AHNAK: variants seen among roughly 807,000 people sequenced by gnomAD.
AHNAK encodes the protein AHNAK nucleoprotein, also known as neuroblast differentiation-associated protein AHNAK.
Under a neutral mutation model 37.8 loss-of-function variants are expected in AHNAK, and 23 were observed. The observed-to-expected ratio is 0.61, with a 90% confidence interval of 0.44 to 0.86. The LOEUF is 0.86. AHNAK is among the 40% of genes least tolerant of loss of function. The pLI, the probability that AHNAK is intolerant of heterozygous loss-of-function variation, is 0.00. For synonymous variants in AHNAK, 2,481 were observed against 2,636.3 expected (o/e 0.94, Z 1.80); for missense variants, 7,411 against 7,319.4 (o/e 1.01, Z -0.46).
chr11:62,478,078 A>G (rs1939187269), intron 5 of AHNAK, among the ~76,000 whole-genome samples: 2 of 152,160 alleles, frequency 1.3e-5, no homozygotes, highest in African/African-American at 4.8e-5. Flanking sequence ...TCCTCTCCGC[A>G]GGACTCAGTG....
downstream of AHNAK, among the ~76,000 whole-genome samples, chr11:62,515,466 A>G (rs370862229): frequency 1.4e-3 from 214 of 152,296 alleles, no homozygotes; most frequent in African/African-American, 4.8e-3. Context: ...GCAGTGAGCC[A>G]AGATTGTGCC....
chr11:62,535,501 A>T (rs905697992), intron 3 of AHNAK, among the ~76,000 whole-genome samples: 2 of 152,020 alleles, frequency 1.3e-5, no homozygotes, highest in Non-Finnish European at 2.9e-5. Context: ...ATGCAAAATT[A>T]GTCTGGTGTG....
At chr11:62,507,060 G>T (rs1030313137) in intron 4 of AHNAK, among the ~76,000 whole-genome samples, 1 of 151,438 alleles carries the variant, frequency 6.6e-6, no homozygotes, top group Non-Finnish European at 1.5e-5. Context: ...TTTATTCCCC[G>T]GTCCTTCTGC....
chr11:62,492,248 G>C (rs190806647), intron 4 of AHNAK, among the ~76,000 whole-genome samples: 1 of 152,162 alleles, frequency 6.6e-6, no homozygotes, highest in Non-Finnish European at 1.5e-5. Context: ...AGCACTCATC[G>C]GTTACTGCCC....
chr11:62,523,653 G>A lies in AHNAK; in HGVS notation c.10764C>T (p.Ala3588=), dbSNP rs140469618. The A allele has an allele frequency of 1.6e-3, 2,577 of 1,611,128 alleles. 13 individuals are homozygous for A. The highest frequency in any genetic ancestry group is 9.6e-3 in the Middle Eastern group (58 of 6,034). The change falls in exon 5 of 5, where the codon GCC becomes GCT. Residue 3588 remains alanine (A), a synonymous_variant. Coordinates refer to ENST00000378024, the MANE Select transcript of AHNAK (RefSeq NM_001620.3). ...CTGGACCATGAACATCCACATCTGG[G>A]GCATTGATGTCCACTTTAGGGCCTT... ...DIKGPKVDIN[A]PDVDVHGPDW...
intron 4 of AHNAK, among the ~76,000 whole-genome samples, chr11:62,496,650 C>T (rs1487649681): frequency 1.3e-5 from 2 of 152,044 alleles, no homozygotes; most frequent in African/African-American, 4.8e-5. Flanking sequence ...CAAAAGTTAG[C>T]CGGGCGTGGT....
chr11:62,434,711 T>C (rs991573348), intron 5 of AHNAK, among the ~76,000 whole-genome samples: 3 of 152,102 alleles, frequency 2.0e-5, no homozygotes, highest in African/African-American at 7.2e-5. Context: ...GCGGACCTCC[T>C]AAGGTCAGGA....
intron 5 of AHNAK, among the ~76,000 whole-genome samples, chr11:62,474,239 C>T (rs1346473387): frequency 1.3e-5 from 2 of 149,884 alleles, no homozygotes; most frequent in East Asian, 3.9e-4. Context: ...GGCTGGAGTG[C>T]AGTGGCACGA....
chr11:62,463,621 C>A (rs576923254), intron 5 of AHNAK, among the ~76,000 whole-genome samples: 12 of 152,276 alleles, frequency 7.9e-5, no homozygotes, highest in African/African-American at 2.9e-4. Flanking sequence ...TGCTGTCAGG[C>A]CTGTTCTGCT....
chr11:62,516,996 A>G lies in AHNAK; in HGVS notation c.17421T>C (p.Ser5807=). The change falls in exon 5 of 5, where the codon TCT becomes TCC. Residue 5807 remains serine (S), a synonymous_variant. Coordinates refer to ENST00000378024, the MANE Select transcript of AHNAK (RefSeq NM_001620.3). The part of the protein sequence containing the change: ...GTLEFEGGEV[S]LEGGKVKGKH... ...TCCCTTTAACTTTCCCACCTTCCAG[A>G]GACACTTCCCCACCTTCAAACTCCA... is the stretch of plus-strand genomic sequence containing the variant. 1.2e-6 allele frequency: 2 copies of G among 1,614,128 alleles called. No homozygotes were observed. The highest frequency in any genetic ancestry group is 1.7e-6 in the Non-Finnish European group (2 of 1,180,026).
Position 62,517,453 on chromosome 11 carries a change from T to C in AHNAK, c.16964A>G (p.Lys5655Arg). Residue 5655 changes from lysine to arginine, a missense_variant, in exon 5 of 5, where the codon AAA (lysine) becomes AGA (arginine). By Grantham distance (26) the Lys-to-Arg change is conservative. Transcript: ENST00000378024. ...PQGHLESGSGKVTFPKMKIPK... is the reference protein window; with the variant it reads ...PQGHLESGSGRVTFPKMKIPK... ...GATCTTCATTTTAGGGAATGTTACT[T>C]TTCCAGATCCACTTTCCAAGTGACC... 6.2e-7 allele frequency: 1 copy of C among 1,614,150 alleles called. No homozygotes were observed. The highest frequency in any genetic ancestry group is 8.5e-7 in the Non-Finnish European group (1 of 1,180,034).
chr11:62,490,197 CTTT>C (rs944550481), intron 5 of AHNAK, among the ~76,000 whole-genome samples: 1 of 115,930 alleles, frequency 8.6e-6, no homozygotes, highest in African/African-American at 3.4e-5. Flanking sequence ...TTTTCTTTTT[CTTT>C]TTTTTTTTTT....
intron 5 of AHNAK, among the ~76,000 whole-genome samples, chr11:62,456,226 A>G (rs1938656161): frequency 1.3e-5 from 2 of 152,258 alleles, no homozygotes; most frequent in Middle Eastern, 3.4e-3. Flanking sequence ...CAAAATAAGT[A>G]TATGTTGTTG....
intron 5 of AHNAK, among the ~76,000 whole-genome samples, chr11:62,443,785 A>T (rs1938364564): frequency 1.3e-5 from 2 of 152,238 alleles, no homozygotes; most frequent in South Asian, 4.1e-4. Flanking sequence ...GTGATGAAAG[A>T]GGAACCTAGA....
chr11:62,457,291 CA>C (rs1264661684), intron 5 of AHNAK, among the ~76,000 whole-genome samples: 1 of 151,798 alleles, frequency 6.6e-6, no homozygotes, highest in Non-Finnish European at 1.5e-5. Flanking sequence ...GCTAAAAGTA[CA>C]AAAAAATTAG....
At position 62,520,893 on chromosome 11, in the gene AHNAK, C is replaced by T; in HGVS notation, c.13524G>A (p.Lys4508=). ...PEGKLKGPKF[K]MPDVHFKSPQ... Reference sequence around the variant, plus strand: ...GGCTTTTGAAATGTACATCAGGCATCTTAAACTTGGGACCTTTGAGCTTCC... The same window carrying T: ...GGCTTTTGAAATGTACATCAGGCATTTTAAACTTGGGACCTTTGAGCTTCC... The change falls in exon 5 of 5, where the codon AAG becomes AAA. Residue 4508 remains lysine, a synonymous_variant. Transcript: ENST00000378024. 6.2e-7 allele frequency: 1 copy of T among 1,614,190 alleles called. No individual in the cohort carries two copies. The highest frequency in any genetic ancestry group is 8.5e-7 in the Non-Finnish European group (1 of 1,180,040).
intron 5 of AHNAK, among the ~76,000 whole-genome samples, chr11:62,478,966 C>G (rs1012398344): frequency 1.1e-4 from 16 of 151,962 alleles, no homozygotes; most frequent in Admixed American, 8.5e-4. Flanking sequence ...ACCTCCGCCT[C>G]CTGGATTCAA....
intron 5 of AHNAK, among the ~76,000 whole-genome samples, chr11:62,483,131 G>A (rs1939309868): frequency 6.6e-6 from 1 of 152,218 alleles, no homozygotes; most frequent in Non-Finnish European, 1.5e-5. Flanking sequence ...AAAGTGAACA[G>A]CAGCCGAGTG....
rs780539590 is a variant in AHNAK, at chr11:62,524,250, A to T, written c.10167T>A (p.Ala3389=). The change falls in exon 5 of 5, where the codon GCT becomes GCA. Residue 3389 remains alanine (A), a synonymous_variant. Coordinates refer to ENST00000378024, the MANE Select transcript of AHNAK (RefSeq NM_001620.3). The stretch of plus-strand genomic sequence containing the variant: ...CTTTTCCTTGGACCTCGACATCAGG[A>T]GCATTAATATCAACTTTTGGACCTG... ...DITGPKVDIN[A]PDVEVQGKVK... 6.2e-7 allele frequency: 1 copy of T among 1,613,438 alleles called. No homozygotes were observed. The highest frequency in any genetic ancestry group is 1.1e-5 in the South Asian group (1 of 90,848).
Sources: allele counts gnomAD v4.1 joint callset (sites outside exome capture counted in the v4.1 genomes callset), GRCh38; gene constraint gnomAD v4.1.1; transcripts MANE v1.5; gene names NCBI Gene and HGNC (gene_info 2026-07-23, HGNC 2026-07-21).